Variants in PID1 observed in about 807,000 individuals in gnomAD.
PID1 encodes PTB-containing, cubilin and LRP1-interacting protein.
In PID1, 10 loss-of-function variants were observed where a neutral mutation model predicts 19.1. That is an observed-to-expected ratio of 0.52 (90% CI 0.32 to 0.89). The LOEUF is 0.89. Ranked by LOEUF, PID1 falls within the 40% of genes least tolerant of loss-of-function variation. PID1 has a pLI of 0.03. For missense variants in PID1, 248 were observed against 285.3 expected, an observed-to-expected ratio of 0.87 and a Z score of 0.94; for synonymous variants, 130 against 116.0, an observed-to-expected ratio of 1.12 and a Z score of -0.78.
At chr2:229,047,605 G>A (rs1693910518) in intron 2 of PID1, among the ~76,000 whole-genome samples, 1 of 152,104 alleles carries the variant, frequency 6.6e-6, no homozygotes, top group Non-Finnish European at 1.5e-5. Context: ...CATTTATTGA[G>A]TGCTATTAGG....
At chr2:229,216,045 G>A (rs909202490) in intron 1 of PID1, among the ~76,000 whole-genome samples, 2 of 152,140 alleles carry the variant, frequency 1.3e-5, no homozygotes, top group Non-Finnish European at 2.9e-5. Context: ...TGCAGAAGAG[G>A]ATGTCCCCCT....
chr2:229,030,193 G>A (rs1693517413), intron 2 of PID1, among the ~76,000 whole-genome samples: 1 of 152,176 alleles, frequency 6.6e-6, no homozygotes, highest in Non-Finnish European at 1.5e-5. Flanking sequence ...TTTGTATGAA[G>A]TATTTAGAGT....
intron 2 of PID1, among the ~76,000 whole-genome samples, chr2:229,051,418 A>G (rs10048693): frequency 0.52 from 79,273 of 151,718 alleles, 21,455 homozygotes; most frequent in East Asian, 0.67. Context: ...GCTCACTGCA[A>G]CCTCTGCCTC....
intron 2 of PID1, among the ~76,000 whole-genome samples, chr2:229,057,607 A>AT: frequency 6.8e-6 from 1 of 147,566 alleles, no homozygotes; most frequent in Admixed American, 6.8e-5. Flanking sequence ...TTATGAAAAA[A>AT]TAATAATTTA....
At chr2:229,267,858 T>A (rs990589076) in intron 1 of PID1, among the ~76,000 whole-genome samples, 1 of 152,130 alleles carries the variant, frequency 6.6e-6, no homozygotes, top group African/African-American at 2.4e-5. Context: ...AAGTCTCCTT[T>A]ACTTTTCTGA....
intron 1 of PID1, among the ~76,000 whole-genome samples, chr2:229,207,777 G>A (rs1691639768): frequency 6.6e-6 from 1 of 151,988 alleles, no homozygotes. Flanking sequence ...TGAAACCACT[G>A]CCTTCACCTT....
chr2:229,062,583 G>T (rs1427745024), intron 2 of PID1, among the ~76,000 whole-genome samples: 2 of 151,618 alleles, frequency 1.3e-5, no homozygotes, highest in Non-Finnish European at 3.0e-5. Flanking sequence ...GTGTGATTCT[G>T]GTGATGATGA....
chr2:229,118,676 C>A (rs902029150), intron 2 of PID1, among the ~76,000 whole-genome samples: 2 of 152,158 alleles, frequency 1.3e-5, no homozygotes, highest in African/African-American at 4.8e-5. Flanking sequence ...GACATGCTTG[C>A]TGGCTACTCA....
intron 1 of PID1, among the ~76,000 whole-genome samples, chr2:229,223,167 G>T (rs2106260257): frequency 6.6e-6 from 1 of 152,196 alleles, no homozygotes; most frequent in East Asian, 1.9e-4. Context: ...TTCCAAAGTG[G>T]CTGTTCAAAT....
intron 1 of PID1, among the ~76,000 whole-genome samples, chr2:229,192,993 A>G (rs1344422086): frequency 5.9e-5 from 9 of 152,174 alleles, no homozygotes; most frequent in African/African-American, 2.2e-4. Flanking sequence ...CACTTCAGAG[A>G]TTAGTATAGA....
intron 1 of PID1, among the ~76,000 whole-genome samples, chr2:229,242,392 C>A (rs542207444): frequency 1.2e-4 from 19 of 152,176 alleles, no homozygotes; most frequent in African/African-American, 4.3e-4. Context: ...AAAAGAAAAA[C>A]CCGTGATTCT....
intron 1 of PID1, among the ~76,000 whole-genome samples, chr2:229,241,124 T>C (rs1205800380): frequency 6.6e-6 from 1 of 152,158 alleles, no homozygotes; most frequent in Non-Finnish European, 1.5e-5. Context: ...AATCCTTAGT[T>C]CCTCTAACAA....
At chr2:229,221,280 A>G (rs547463594) in intron 1 of PID1, among the ~76,000 whole-genome samples, 27 of 152,280 alleles carry the variant, frequency 1.8e-4, no homozygotes, top group Non-Finnish European at 3.5e-4. Flanking sequence ...AGTCCTGAGT[A>G]CTTTAGAGCC....
At chr2:229,116,176 G>A (rs1319359502) in intron 2 of PID1, among the ~76,000 whole-genome samples, 1 of 152,190 alleles carries the variant, frequency 6.6e-6, no homozygotes, top group Non-Finnish European at 1.5e-5. Context: ...GCAGTGAGCC[G>A]AGATTGCACC....
intron 2 of PID1, among the ~76,000 whole-genome samples, chr2:229,090,822 A>G (rs1694857209): frequency 6.6e-6 from 1 of 152,228 alleles, no homozygotes; most frequent in Admixed American, 6.5e-5. Flanking sequence ...TTGAACATGT[A>G]CTATGTGCCA....
intron 1 of PID1, among the ~76,000 whole-genome samples, chr2:229,219,966 G>GTA (rs1445860475): frequency 1.3e-5 from 2 of 151,990 alleles, no homozygotes; most frequent in South Asian, 2.1e-4. Context: ...GCTAAGCACT[G>GTA]TATATATGTG....
intron 2 of PID1, among the ~76,000 whole-genome samples, chr2:229,114,528 G>A (rs902864994): frequency 2.0e-5 from 3 of 151,872 alleles, no homozygotes; most frequent in African/African-American, 7.3e-5. Flanking sequence ...TCACAATTGG[G>A]GTACTCTCTA....
chr2:229,262,172 C>T (rs948565725), intron 1 of PID1, among the ~76,000 whole-genome samples: 3 of 152,138 alleles, frequency 2.0e-5, no homozygotes, highest in African/African-American at 4.8e-5. Flanking sequence ...GGATAAAATC[C>T]TTAATACTAG....
chr2:229,177,397 C>T (rs368051222), intron 1 of PID1, among the ~76,000 whole-genome samples: 8 of 152,278 alleles, frequency 5.3e-5, no homozygotes, highest in African/African-American at 1.7e-4. Context: ...CAGGCAAGAG[C>T]TTCAAAGTTA....
Sources: allele counts gnomAD v4.1 joint callset (sites outside exome capture counted in the v4.1 genomes callset), GRCh38; gene constraint gnomAD v4.1.1; transcripts MANE v1.5; gene names NCBI Gene and HGNC (gene_info 2026-07-23, HGNC 2026-07-21).